DPP10: variants seen among roughly 807,000 people sequenced by gnomAD.
DPP10 encodes the protein inactive dipeptidyl peptidase 10.
Under a neutral mutation model 120.9 loss-of-function variants are expected in DPP10, and 33 were observed. That is an observed-to-expected ratio of 0.27 (90% confidence interval 0.21 to 0.37). The LOEUF (loss-of-function observed/expected upper bound fraction) is 0.37. Among genes scored for constraint, DPP10 ranks in the 10% least tolerant of loss-of-function variants. The probability of loss-of-function intolerance (pLI) is 1.00; values close to 1 mark genes in which losing one functional copy is unlikely to be tolerated. For synonymous variants in DPP10, 337 were observed against 326.1 expected (o/e 1.03, Z -0.36); for missense variants, 816 against 942.8 (o/e 0.87, Z 1.76).
chr2:114,482,506 C>T (rs181163095), intron 1 of DPP10, among the ~76,000 whole-genome samples: 67 of 152,202 alleles, frequency 4.4e-4, no homozygotes, highest in Non-Finnish European at 7.5e-4. Context: ...TATTACTTTC[C>T]GTAAGCAAAA....
At chr2:115,034,721 A>G (rs1480962329) in intron 1 of DPP10, among the ~76,000 whole-genome samples, 4 of 152,210 alleles carry the variant, frequency 2.6e-5, no homozygotes, top group African/African-American at 9.6e-5. Context: ...ACTATTTGCC[A>G]TTGACTTCTC....
At chr2:114,768,360 G>A (rs1324779854) in intron 1 of DPP10, among the ~76,000 whole-genome samples, 1 of 152,156 alleles carries the variant, frequency 6.6e-6, no homozygotes, top group Non-Finnish European at 1.5e-5. Flanking sequence ...ATTGGCAAGT[G>A]TGTAAGCAAA....
chr2:115,583,925 A>G (rs2082142910), intron 5 of DPP10, among the ~76,000 whole-genome samples: 1 of 152,186 alleles, frequency 6.6e-6, no homozygotes, highest in South Asian at 2.1e-4. Flanking sequence ...GCCTCTGAGG[A>G]GGATTTCCCT....
chr2:115,314,407 C>T (rs2061701355), intron 2 of DPP10, among the ~76,000 whole-genome samples: 1 of 152,170 alleles, frequency 6.6e-6, no homozygotes, highest in East Asian at 1.9e-4. Context: ...GCTCTAGCTC[C>T]TGTTTCTTTT....
chr2:114,993,580 GTATATATATATA>G (rs59593945), intron 1 of DPP10, among the ~76,000 whole-genome samples: 17 of 97,324 alleles, frequency 1.7e-4, no homozygotes, highest in African/African-American at 5.2e-4. Flanking sequence ...GTGTGTGTGT[GTATATATATATA>G]TATATATATA....
At chr2:114,957,992 G>T (rs1299571350) in intron 1 of DPP10, among the ~76,000 whole-genome samples, 1 of 152,108 alleles carries the variant, frequency 6.6e-6, no homozygotes, top group African/African-American at 2.4e-5. Context: ...TATGTTAAAA[G>T]AAAAACTTCA....
chr2:114,858,027 T>C (rs540963996), intron 1 of DPP10, among the ~76,000 whole-genome samples: 1 of 152,302 alleles, frequency 6.6e-6, no homozygotes, highest in South Asian at 2.1e-4. Flanking sequence ...TTTTGCTCTG[T>C]CGCCCAGGCT....
At chr2:114,512,820 A>T (rs994856511) in intron 1 of DPP10, among the ~76,000 whole-genome samples, 1 of 151,836 alleles carries the variant, frequency 6.6e-6, no homozygotes, top group African/African-American at 2.4e-5. Flanking sequence ...TGTTGTCCTC[A>T]TCAAGGATCA....
intron 5 of DPP10, among the ~76,000 whole-genome samples, chr2:115,673,088 T>C (rs2149447670): frequency 6.6e-6 from 1 of 152,260 alleles, no homozygotes; most frequent in South Asian, 2.1e-4. Flanking sequence ...TGCAGTTATA[T>C]ATAACAATTA....
At position 115,162,378 on chromosome 2, in the gene DPP10, G is replaced by A. The variant is rs2052471000; in HGVS notation, c.61-146861G>A. On this transcript the variant is annotated intron_variant, in intron 1 of 25. Coordinates refer to ENST00000410059, the MANE Select transcript of DPP10 (RefSeq NM_020868.6). ...GCCTCTTGGTTCCCCATTAACGCAC[G>A]CTGAAGAAATCTGCTGCGCTCCTGA... is the stretch of plus-strand genomic sequence containing the variant. 9 of 1,347,906 alleles carry A rather than the reference G, an allele frequency of 6.7e-6. No individual in the cohort carries two copies. In the Admixed American group the frequency reaches 9.7e-5, roughly 15 times the overall value. 83.5% of individuals were successfully genotyped at this position (1,347,906 alleles called of 1,614,324 possible). A position where few individuals can be genotyped will look rare whatever the true frequency, so the allele number is the denominator to read the frequency against.
chr2:114,798,077 A>T (rs1404351584), intron 1 of DPP10, among the ~76,000 whole-genome samples: 2 of 152,148 alleles, frequency 1.3e-5, no homozygotes, highest in East Asian at 3.9e-4. Flanking sequence ...CAGTCTACAA[A>T]GTATCTAACC....
intron 5 of DPP10, among the ~76,000 whole-genome samples, chr2:115,584,373 AAAAT>A (rs1315475350): frequency 3.3e-5 from 5 of 152,182 alleles, no homozygotes; most frequent in Non-Finnish European, 7.3e-5. Flanking sequence ...TGCAAGCAAT[AAAAT>A]AAAGAAGGGA....
chr2:115,638,888 T>C (rs1431351046), intron 5 of DPP10, among the ~76,000 whole-genome samples: 1 of 152,196 alleles, frequency 6.6e-6, no homozygotes, highest in Non-Finnish European at 1.5e-5. Context: ...TAAGGGGGAC[T>C]GGGATGATCA....
chr2:114,740,906 TTAGAG>T (rs2105986427), intron 1 of DPP10, among the ~76,000 whole-genome samples: 1 of 152,250 alleles, frequency 6.6e-6, no homozygotes, highest in South Asian at 2.1e-4. Flanking sequence ...ATACCATAGT[TTAGAG>T]TAATTTTGAA....
At chr2:115,591,041 A>G (rs570674631) in intron 5 of DPP10, among the ~76,000 whole-genome samples, 9 of 152,238 alleles carry the variant, frequency 5.9e-5, no homozygotes, top group Non-Finnish European at 1.5e-5. Context: ...AGTTCTTTGT[A>G]GATTCTGGAT....
chr2:115,125,015 A>G (rs2050003987), intron 1 of DPP10, among the ~76,000 whole-genome samples: 1 of 152,226 alleles, frequency 6.6e-6, no homozygotes, highest in Admixed American at 6.5e-5. Context: ...CTATAAAAAG[A>G]GCCTTTCTCA....
chr2:114,732,319 T>C (rs1676999852), intron 1 of DPP10, among the ~76,000 whole-genome samples: 1 of 152,174 alleles, frequency 6.6e-6, no homozygotes, highest in South Asian at 2.1e-4. Context: ...GGAGAAGTTG[T>C]GGATGCCAGC....
intron 2 of DPP10, among the ~76,000 whole-genome samples, chr2:115,312,699 A>G (rs2061632213): frequency 6.6e-6 from 1 of 152,166 alleles, no homozygotes; most frequent in African/African-American, 2.4e-5. Context: ...AGAGCCATAA[A>G]GAAAACCTCC....
chr2:115,658,926 A>G (rs1383063727), intron 5 of DPP10, among the ~76,000 whole-genome samples: 1 of 152,130 alleles, frequency 6.6e-6, no homozygotes, highest in Non-Finnish European at 1.5e-5. Context: ...TTCAAGTTGT[A>G]TAGTTCTCTG....
Sources: gnomAD v4.1 joint callset for allele counts (sites outside exome capture counted in the v4.1 genomes callset) on GRCh38, gnomAD v4.1.1 for gene constraint, MANE v1.5 for transcripts, NCBI Gene and HGNC (gene_info 2026-07-23, HGNC 2026-07-21) for gene names.